WDR7: variants seen among roughly 807,000 people sequenced by gnomAD.
WDR7 encodes WD repeat domain 7.
In WDR7, 46 loss-of-function variants were observed where a neutral mutation model predicts 169.4. The ratio of observed to expected loss-of-function variants is 0.27; its 90% CI spans 0.21 to 0.35. The LOEUF (loss-of-function observed/expected upper bound fraction) is 0.35, where lower values mean the gene tolerates loss of function less well. WDR7 is among the 10% of genes least tolerant of loss of function. The pLI is 1.00. For synonymous variants in WDR7, 612 were observed against 666.8 expected (o/e 0.92, Z 1.27); for missense variants, 1,534 against 1,859.3 (o/e 0.83, Z 3.22).
intron 1 of WDR7, among the ~76,000 whole-genome samples, chr18:56,661,952 G>A (rs542767378): frequency 6.6e-6 from 1 of 152,282 alleles, no homozygotes; most frequent in African/African-American, 2.4e-5. Flanking sequence ...CTTGACTTGG[G>A]TACACTCTTT....
chr18:56,918,484 G>T (rs1039028042), intron 21 of WDR7, among the ~76,000 whole-genome samples: 20 of 151,956 alleles, frequency 1.3e-4, no homozygotes, highest in Non-Finnish European at 1.8e-4. Flanking sequence ...AAATGTGAGG[G>T]CATGTATTAG....
chr18:57,015,639 G>A (rs1362553224), intron 26 of WDR7, among the ~76,000 whole-genome samples: 1 of 152,168 alleles, frequency 6.6e-6, no homozygotes, highest in Non-Finnish European at 1.5e-5. Context: ...ATGTCAGAAA[G>A]GCATGCAAAT....
At chr18:57,000,852 T>A (rs1322244630) in intron 26 of WDR7, among the ~76,000 whole-genome samples, 3 of 152,148 alleles carry the variant, frequency 2.0e-5, no homozygotes, top group African/African-American at 4.8e-5. Flanking sequence ...TCTGGAATTT[T>A]AAAAATATTT....
chr18:56,681,529 C>T (rs769116812), intron 4 of WDR7, 138 bp downstream of exon 4: 114 of 527,132 alleles, frequency 2.2e-4, no homozygotes, highest in South Asian at 9.3e-4. Flanking sequence ...AGAATTGAAG[C>T]GGTAAAAGTG....
intron 25 of WDR7, among the ~76,000 whole-genome samples, chr18:56,955,789 A>G (rs1036288198): frequency 1.3e-5 from 2 of 152,110 alleles, no homozygotes; most frequent in Admixed American, 1.3e-4. Context: ...ACCACACAAT[A>G]CTTTAATAAG....
intron 26 of WDR7, among the ~76,000 whole-genome samples, chr18:56,982,057 G>A (rs1212521435): frequency 6.6e-6 from 1 of 152,096 alleles, no homozygotes; most frequent in Admixed American, 6.6e-5. Context: ...CTATTATTCT[G>A]AACCGTTTTA....
At chr18:56,713,781 G>A (rs377650148) in intron 12 of WDR7, among the ~76,000 whole-genome samples, 2 of 152,156 alleles carry the variant, frequency 1.3e-5, no homozygotes, top group East Asian at 3.8e-4. Flanking sequence ...TAAAGGAATT[G>A]TGCTAATTTA....
chr18:56,773,019 C>T (rs766936032), intron 16 of WDR7, among the ~76,000 whole-genome samples: 21 of 152,048 alleles, frequency 1.4e-4, no homozygotes, highest in Admixed American at 2.0e-4. Flanking sequence ...TACTGTTTGA[C>T]GTATTAAAAC....
intron 26 of WDR7, among the ~76,000 whole-genome samples, chr18:56,964,313 TA>T (rs1397071265): frequency 6.6e-6 from 1 of 152,138 alleles, no homozygotes; most frequent in Non-Finnish European, 1.5e-5. Context: ...CAAGAATATG[TA>T]ATGTCATTCA....
At chr18:56,824,448 A>G (rs2045160914) in intron 20 of WDR7, among the ~76,000 whole-genome samples, 1 of 152,250 alleles carries the variant, frequency 6.6e-6, no homozygotes, top group African/African-American at 2.4e-5. Flanking sequence ...TAGCTGGTAC[A>G]TAGCATCTTC....
intron 1 of WDR7, 37 bp from the exon 2 acceptor site, chr18:56,672,460 A>G (rs989669877): frequency 7.1e-7 from 1 of 1,399,014 alleles, no homozygotes; most frequent in Non-Finnish European, 9.4e-7. Flanking sequence ...TTCGAGAGAA[A>G]TATTGTAATA....
chr18:56,669,830 A>G (rs545758762), intron 1 of WDR7, among the ~76,000 whole-genome samples: 2 of 152,284 alleles, frequency 1.3e-5, no homozygotes, highest in South Asian at 2.1e-4. Flanking sequence ...TCCACTTAAT[A>G]TAAAGCTTTT....
At chr18:56,742,656 G>A (rs951303791) in intron 14 of WDR7, among the ~76,000 whole-genome samples, 5 of 152,160 alleles carry the variant, frequency 3.3e-5, no homozygotes, top group South Asian at 2.1e-4. Context: ...ATAAAGTAGC[G>A]GGGTTGGCTG....
intron 21 of WDR7, among the ~76,000 whole-genome samples, chr18:56,886,124 TCAA>T (rs1045656728): frequency 3.3e-5 from 5 of 151,988 alleles, no homozygotes; most frequent in African/African-American, 1.2e-4. Context: ...TACAAGAAGC[TCAA>T]CACCTGAGAA....
chr18:56,745,462 G>A (rs2043687884), intron 14 of WDR7, among the ~76,000 whole-genome samples: 2 of 152,116 alleles, frequency 1.3e-5, no homozygotes, highest in Non-Finnish European at 2.9e-5. Context: ...GGGGTAGATG[G>A]TTTCGGGATG....
At chr18:56,932,143 A>G (rs1482306280) in intron 22 of WDR7, among the ~76,000 whole-genome samples, 2 of 152,066 alleles carry the variant, frequency 1.3e-5, no homozygotes, top group Non-Finnish European at 2.9e-5. Flanking sequence ...ACAGCCCCCA[A>G]CTTTTGCACT....
At chr18:56,694,516 C>A in intron 9 of WDR7, 103 bp from the exon 10 acceptor site, 1 of 1,164,728 alleles carries the variant, frequency 8.6e-7, no homozygotes, top group Non-Finnish European at 1.2e-6. Flanking sequence ...TTCAACTTGG[C>A]TACTGGGACA....
intron 22 of WDR7, among the ~76,000 whole-genome samples, chr18:56,930,499 T>A (rs560807383): frequency 3.3e-5 from 5 of 152,204 alleles, no homozygotes; most frequent in South Asian, 4.1e-4. Flanking sequence ...GTAATTGTAT[T>A]TAGCATACAG....
At chr18:56,718,200 G>A in intron 13 of WDR7, 41 bp downstream of exon 13, 5 of 1,392,310 alleles carry the variant, frequency 3.6e-6, no homozygotes, top group East Asian at 2.6e-5. Flanking sequence ...AAATTAAATG[G>A]GTGTATTTCA....
Sources: allele counts gnomAD v4.1 joint callset (sites outside exome capture counted in the v4.1 genomes callset), GRCh38; gene constraint gnomAD v4.1.1; transcripts MANE v1.5; gene names NCBI Gene and HGNC (gene_info 2026-07-23, HGNC 2026-07-21).